Variants in STK39 observed in about 807,000 individuals in gnomAD.
The protein encoded by STK39 is STE20/SPS1-related proline-alanine-rich protein kinase.
Under a neutral mutation model 77.8 loss-of-function variants are expected in STK39, and 20 were observed. The observed-to-expected ratio is 0.26, with a 90% CI of 0.18 to 0.37. The LOEUF (loss-of-function observed/expected upper bound fraction) is 0.37. Ranked by LOEUF, STK39 falls within the 10% of genes least tolerant of loss-of-function variation. STK39 has a pLI of 1.00. For missense variants in STK39, 479 were observed against 656.5 expected (o/e 0.73, Z 2.95); for synonymous variants, 246 against 234.1 (o/e 1.05, Z -0.47).
At chr2:168,108,611 C>A (rs1204798868) in intron 10 of STK39, among the ~76,000 whole-genome samples, 2 of 151,836 alleles carry the variant, frequency 1.3e-5, no homozygotes, top group Non-Finnish European at 2.9e-5. Flanking sequence ...TGCTAATGTT[C>A]CAGAATTTCA....
chr2:168,134,804 C>T (rs1288430653), intron 8 of STK39, among the ~76,000 whole-genome samples: 1 of 152,128 alleles, frequency 6.6e-6, no homozygotes, highest in Non-Finnish European at 1.5e-5. Context: ...CTGTCCTGGT[C>T]ACTGTTTTCT....
Position 168,017,085 on chromosome 2 carries a change from T to C in STK39, c.1387A>G (p.Lys463Glu). Residue 463 changes from lysine (K) to glutamate (E), a missense_variant, in exon 15 of 18, where the codon AAG becomes GAG. Around this residue, in one of 3 missense-constraint regions of STK39, gnomAD observed 244 missense variants for 296.8 expected, o/e 0.82. Coordinates refer to ENST00000355999, the MANE Select transcript of STK39 (RefSeq NM_013233.3). ...NLVLRLRNSRKELNDIRFEFT... is the reference protein window; with the variant it reads ...NLVLRLRNSREELNDIRFEFT... ...TCAAATCGTATGTCATTAAGTTCCT[T>C]TCTGGAGTTTCTGAAATACATAACA... 3 of 1,606,048 alleles carry C rather than the reference T, an allele frequency of 1.9e-6. No individual in the cohort carries two copies. Among genetic ancestry groups the C allele is most frequent in the Non-Finnish European group, 2.6e-6 (3 of 1,176,082 alleles).
chr2:168,233,059 T>C (rs1690501265), intron 1 of STK39, among the ~76,000 whole-genome samples: 1 of 152,168 alleles, frequency 6.6e-6, no homozygotes, highest in South Asian at 2.1e-4. Flanking sequence ...TTTAAACAAC[T>C]GATGGGTATT....
At chr2:167,992,590 G>A (rs1257879868) in intron 16 of STK39, among the ~76,000 whole-genome samples, 5 of 152,252 alleles carry the variant, frequency 3.3e-5, no homozygotes, top group East Asian at 1.9e-4. Context: ...GAGTGCCTAC[G>A]TTCATTCCTT....
chr2:168,203,132 G>A (rs1419048141), intron 1 of STK39, among the ~76,000 whole-genome samples: 12 of 152,060 alleles, frequency 7.9e-5, no homozygotes, highest in Admixed American at 7.2e-4. Flanking sequence ...CTCCCCAGGC[G>A]CAGTAACCAA....
chr2:168,048,036 A>C (rs1161120213), intron 14 of STK39, among the ~76,000 whole-genome samples: 1 of 152,190 alleles, frequency 6.6e-6, no homozygotes, highest in African/African-American at 2.4e-5. Flanking sequence ...ATTTTTTAAA[A>C]GAGTAGTTCT....
At chr2:168,214,073 G>C (rs771197923) in intron 1 of STK39, among the ~76,000 whole-genome samples, 1 of 152,060 alleles carries the variant, frequency 6.6e-6, no homozygotes, top group Non-Finnish European at 1.5e-5. Context: ...CAGTGGTGGA[G>C]CAGCATGGAC....
intron 14 of STK39, among the ~76,000 whole-genome samples, chr2:168,032,729 A>C (rs1684859413): frequency 6.6e-6 from 1 of 152,254 alleles, no homozygotes; most frequent in Non-Finnish European, 1.5e-5. Context: ...AAAACAAAGC[A>C]AAACAAAAAC....
At chr2:168,123,533 T>C (rs961705742) in intron 10 of STK39, among the ~76,000 whole-genome samples, 1 of 152,100 alleles carries the variant, frequency 6.6e-6, no homozygotes, top group African/African-American at 2.4e-5. Context: ...CTTGGCACTA[T>C]TTTTCTAACT....
intron 1 of STK39, among the ~76,000 whole-genome samples, chr2:168,211,231 C>A (rs1381880332): frequency 1.4e-5 from 2 of 147,954 alleles, no homozygotes. Context: ...ATCTCTCCCA[C>A]CCCATCTATC....
In STK39 at chr2:167,986,578, A is replaced by T. The variant is rs147180552; in HGVS notation, c.1499-21852T>A. 5.1e-4 allele frequency among the ~76,000 whole-genome samples: 78 copies of T among 152,354 alleles called. No individual in the cohort carries two copies. The East Asian group carries it at 0.013, about 26-fold the overall frequency. ...TACCAATTTGCTGTCTTTCAGCCTT[A>T]GATACCTGAGCACCAGAAATGGATT... On this transcript the variant is annotated intron_variant, in intron 16 of 17. Transcript: ENST00000355999.
chr2:168,078,339 G>A (rs574973532), intron 10 of STK39, among the ~76,000 whole-genome samples: 198 of 152,276 alleles, frequency 1.3e-3, no homozygotes, highest in African/African-American at 4.6e-3. Context: ...ATGGTTCCTG[G>A]CCAGTGCTGG....
At chr2:168,013,272 G>A (rs1303859342) in intron 15 of STK39, among the ~76,000 whole-genome samples, 1 of 152,192 alleles carries the variant, frequency 6.6e-6, no homozygotes, top group Non-Finnish European at 1.5e-5. Context: ...AGAAAAATGT[G>A]GTTGAATAAA....
At chr2:168,030,446 T>C (rs1684808333) in intron 14 of STK39, among the ~76,000 whole-genome samples, 1 of 152,194 alleles carries the variant, frequency 6.6e-6, no homozygotes, top group Non-Finnish European at 1.5e-5. Flanking sequence ...CATACTTTAA[T>C]TTTCCTATTC....
At chr2:168,052,184 C>G (rs537199174) in intron 14 of STK39, among the ~76,000 whole-genome samples, 2 of 152,234 alleles carry the variant, frequency 1.3e-5, no homozygotes, top group East Asian at 3.9e-4. Flanking sequence ...AATGCTCGCG[C>G]AAGGCCCTTG....
chr2:167,961,829 A>G (rs1034664057), intron 17 of STK39, among the ~76,000 whole-genome samples: 1 of 152,218 alleles, frequency 6.6e-6, no homozygotes, highest in Non-Finnish European at 1.5e-5. Flanking sequence ...TTAAATAAGA[A>G]TATCTGTCGT....
chr2:167,965,666 A>G (rs1013720983), intron 16 of STK39, among the ~76,000 whole-genome samples: 36 of 152,224 alleles, frequency 2.4e-4, no homozygotes, highest in African/African-American at 8.0e-4. Flanking sequence ...TGAAGAAATT[A>G]TGGGAGAATG....
At position 167,964,463 on chromosome 2, in the gene STK39, A is replaced by C. The variant is rs907922683; in HGVS notation, c.1563+199T>G. The C allele has an allele frequency of 1.1e-5, 6 of 544,424 alleles. No individual in the cohort carries two copies. In the African/African-American group the frequency reaches 1.2e-4, roughly 11 times the overall value. The allele number at this position is 544,424 out of a possible 1,614,324, so 33.7% of individuals were successfully genotyped here. A position where few individuals can be genotyped will look rare whatever the true frequency, so the allele number is the denominator to read the frequency against. On this transcript the variant is annotated intron_variant, in intron 17 of 17. Transcript: ENST00000355999. Reference sequence around the variant, plus strand: ...GTGACGATAAGAAAAAGCTATGCTCATAGAAGAGGACACTTCCAGTCACAA... The same window carrying C: ...GTGACGATAAGAAAAAGCTATGCTCCTAGAAGAGGACACTTCCAGTCACAA...
chr2:168,179,003 T>C (rs1268157300), intron 2 of STK39, among the ~76,000 whole-genome samples: 1 of 151,758 alleles, frequency 6.6e-6, no homozygotes, highest in East Asian at 1.9e-4. Flanking sequence ...GGTCAGGAGG[T>C]GTTACAGTTT....
Sources: allele counts gnomAD v4.1 joint callset (sites outside exome capture counted in the v4.1 genomes callset), GRCh38; gene constraint gnomAD v4.1.1; regional missense constraint gnomAD v4.1.1; transcripts MANE v1.5; gene names NCBI Gene and HGNC (gene_info 2026-07-23, HGNC 2026-07-21).